The following RAPGEF5 variants were observed in gnomAD, a reference collection of about 807,000 sequenced individuals.
RAPGEF5 encodes the protein M-Ras-regulated GEF.
A neutral mutation model predicts 125.2 loss-of-function variants in RAPGEF5; 65 were observed. That is an observed-to-expected ratio of 0.52 (90% CI 0.43 to 0.64). The LOEUF is 0.64. RAPGEF5 is among the 30% of genes least tolerant of loss of function. The probability of loss-of-function intolerance (pLI) is 0.00; values close to 1 mark genes in which losing one functional copy is unlikely to be tolerated. For synonymous variants in RAPGEF5, 391 were observed against 385.9 expected (o/e 1.01, Z -0.16); for missense variants, 958 against 1,048.1 (o/e 0.91, Z 1.19).
chr7:22,226,529 T>TA (rs1785922770), intron 8 of RAPGEF5, among the ~76,000 whole-genome samples: 5 of 152,166 alleles, frequency 3.3e-5, no homozygotes, highest in Admixed American at 3.3e-4. Context: ...AGAAAAAAGT[T>TA]AGACTATGAA....
chr7:22,232,883 G>T (rs1786093985), intron 7 of RAPGEF5, among the ~76,000 whole-genome samples: 1 of 152,158 alleles, frequency 6.6e-6, no homozygotes, highest in African/African-American at 2.4e-5. Context: ...AGAAAAGAGA[G>T]AAATTCTTCT....
At chr7:22,326,448 T>G (rs7780243) in intron 1 of RAPGEF5, among the ~76,000 whole-genome samples, 65,222 of 152,012 alleles carry the variant, frequency 0.43, 14,075 homozygotes, top group East Asian at 0.47. Context: ...ATAATGGCCA[T>G]CAAAGCCAAA....
intron 2 of RAPGEF5, 133 bp downstream of exon 2, chr7:22,317,854 T>C (rs1583575232): frequency 4.3e-6 from 5 of 1,168,902 alleles, no homozygotes; most frequent in African/African-American, 1.6e-5. Flanking sequence ...GTGAAGATAA[T>C]GTGATCACTG....
intron 20 of RAPGEF5, among the ~76,000 whole-genome samples, chr7:22,140,570 C>A (rs1347458929): frequency 6.6e-6 from 1 of 152,144 alleles, no homozygotes; most frequent in African/African-American, 2.4e-5. Flanking sequence ...GGCACATTTT[C>A]TTTGCTACCA....
At chr7:22,299,263 T>C (rs1433335404) in intron 5 of RAPGEF5, among the ~76,000 whole-genome samples, 2 of 152,166 alleles carry the variant, frequency 1.3e-5, no homozygotes, top group Non-Finnish European at 2.9e-5. Context: ...ATTTTGAGCA[T>C]GTTATGTTTT....
intron 8 of RAPGEF5, among the ~76,000 whole-genome samples, chr7:22,224,175 C>T (rs1303216625): frequency 1.3e-5 from 2 of 152,100 alleles, no homozygotes; most frequent in African/African-American, 2.4e-5. Context: ...TCCTTTTATG[C>T]TCCTAGCCAT....
rs75715886 is a variant in RAPGEF5, at chr7:22,155,577, C to T, written c.1637-973G>A. Among the ~76,000 whole-genome samples, 56 of 152,234 alleles carry T rather than the reference C, an allele frequency of 3.7e-4. No individual in the cohort carries two copies. The East Asian group carries it at 0.011, about 29-fold the overall frequency. ...ACCCAGGAATGTTTTCATAGAAATA[C>T]AAATGAAGCAAAAGTCTAACTATGA... On this transcript the variant is annotated intron_variant, in intron 16 of 25. Coordinates refer to ENST00000665637, the MANE Select transcript of RAPGEF5 (RefSeq NM_012294.5).
At chr7:22,211,641 A>T (rs1349303898) in intron 9 of RAPGEF5, among the ~76,000 whole-genome samples, 5 of 152,216 alleles carry the variant, frequency 3.3e-5, no homozygotes, top group African/African-American at 9.6e-5. Context: ...GGGAAGTGGG[A>T]CCAGGAAGCT....
At chr7:22,176,737 G>A (rs1784520863) in intron 11 of RAPGEF5, among the ~76,000 whole-genome samples, 1 of 152,034 alleles carries the variant, frequency 6.6e-6, no homozygotes, top group Non-Finnish European at 1.5e-5. Flanking sequence ...TACCATGTTG[G>A]TCAGGCTGGT....
intron 8 of RAPGEF5, among the ~76,000 whole-genome samples, chr7:22,226,651 A>T (rs1785925502): frequency 6.6e-6 from 1 of 152,188 alleles, no homozygotes; most frequent in Non-Finnish European, 1.5e-5. Context: ...TAGTCAAGGC[A>T]GGTGAGGAAT....
At chr7:22,258,434 A>C (rs1022552610) in intron 7 of RAPGEF5, among the ~76,000 whole-genome samples, 19 of 152,064 alleles carry the variant, frequency 1.2e-4, no homozygotes, top group African/African-American at 4.6e-4. Flanking sequence ...CAGCCTGACC[A>C]ACATGGAGAA....
intron 9 of RAPGEF5, among the ~76,000 whole-genome samples, chr7:22,203,178 C>T (rs546953864): frequency 1.4e-4 from 22 of 152,238 alleles, no homozygotes; most frequent in Admixed American, 2.6e-4. Context: ...ACAGAGCTCA[C>T]GGAACCTGCA....
At chr7:22,233,344 A>T (rs1786107441) in intron 7 of RAPGEF5, among the ~76,000 whole-genome samples, 1 of 152,178 alleles carries the variant, frequency 6.6e-6, no homozygotes. Context: ...CTTTATTTGA[A>T]TTTTTGCTCT....
chr7:22,256,295 C>T (rs1288670412), intron 7 of RAPGEF5, among the ~76,000 whole-genome samples: 1 of 152,132 alleles, frequency 6.6e-6, no homozygotes, highest in Non-Finnish European at 1.5e-5. Flanking sequence ...TTTTGGTTTT[C>T]AGTTAGTTTT....
intron 5 of RAPGEF5, among the ~76,000 whole-genome samples, chr7:22,307,522 A>C (rs1014067488): frequency 1.3e-5 from 2 of 152,110 alleles, no homozygotes; most frequent in Non-Finnish European, 2.9e-5. Flanking sequence ...GGAGACTTCA[A>C]TTCCCTAATC....
At chr7:22,147,447 G>A (rs1783479927) in intron 18 of RAPGEF5, among the ~76,000 whole-genome samples, 1 of 152,186 alleles carries the variant, frequency 6.6e-6, no homozygotes, top group African/African-American at 2.4e-5. Flanking sequence ...GACAGACATG[G>A]CGTTTACAGG....
At chr7:22,247,339 C>T (rs746340078) in intron 7 of RAPGEF5, among the ~76,000 whole-genome samples, 1 of 152,188 alleles carries the variant, frequency 6.6e-6, no homozygotes, top group African/African-American at 2.4e-5. Flanking sequence ...TTTGCTGCAT[C>T]CCCACCCAAA....
intron 20 of RAPGEF5, among the ~76,000 whole-genome samples, chr7:22,142,893 A>G (rs952446029): frequency 1.3e-5 from 2 of 152,358 alleles, no homozygotes; most frequent in Middle Eastern, 3.4e-3. Flanking sequence ...TCCTACTAGC[A>G]TGATTACAGG....
chr7:22,156,712 C>A, intron 16 of RAPGEF5, 98 bp downstream of exon 16: 3 of 1,568,726 alleles, frequency 1.9e-6, no homozygotes, highest in Non-Finnish European at 2.6e-6. Flanking sequence ...GGGGTGACAG[C>A]TGGAAATGAA....
Sources: gnomAD v4.1 joint callset for allele counts (sites outside exome capture counted in the v4.1 genomes callset) on GRCh38, gnomAD v4.1.1 for gene constraint, MANE v1.5 for transcripts, NCBI Gene and HGNC (gene_info 2026-07-23, HGNC 2026-07-21) for gene names.